Variants in ARHGAP27 observed in about 807,000 individuals in gnomAD.
The protein encoded by ARHGAP27 is rho GTPase-activating protein 27.
Under a neutral mutation model 102.0 loss-of-function variants are expected in ARHGAP27, and 53 were observed. That is an observed-to-expected ratio of 0.52 (90% CI 0.42 to 0.65). The LOEUF is 0.65. Ranked by LOEUF, ARHGAP27 falls within the 30% of genes least tolerant of loss-of-function variation. The pLI, the probability that ARHGAP27 is intolerant of heterozygous loss-of-function variation, is 0.00. For synonymous variants in ARHGAP27, 525 were observed against 542.8 expected, an observed-to-expected ratio of 0.97 and a Z score of 0.46; for missense variants, 1,117 against 1,256.2, an observed-to-expected ratio of 0.89 and a Z score of 1.68.
chr17:45,406,600 G>A (rs1290307004), intron 4 of ARHGAP27, among the ~76,000 whole-genome samples: 1 of 152,242 alleles, frequency 6.6e-6, no homozygotes, highest in Non-Finnish European at 1.5e-5. Context: ...GGTTGGGCAG[G>A]AACTGAGAAG....
rs1391925877 is a variant in ARHGAP27, at chr17:45,429,884, G to A, written c.396C>T (p.Arg132=). The change falls in exon 4 of 20, where the codon CGC becomes CGT. Residue 132 remains arginine (R), a synonymous_variant. Coordinates refer to ENST00000685559, the MANE Select transcript of ARHGAP27 (RefSeq NM_001282290.2). ...GPAQRGAATQ[R]SSLAPGLPAC... ...CTGGCAGGCCGGGCGCCAGGCTGCT[G>A]CGCTGGGTCGCGGCGCCGCGTTGCG... 2.5e-6 allele frequency: 3 copies of A among 1,210,508 alleles called. No individual in the cohort carries two copies. The highest frequency in any genetic ancestry group is 3.1e-6 in the Non-Finnish European group (3 of 974,836). The allele number at this position is 1,210,508 out of a possible 1,614,324, so 75.0% of individuals were successfully genotyped here. A position where few individuals can be genotyped will look rare whatever the true frequency, so the allele number is the denominator to read the frequency against.
chr17:45,410,334 G>T (rs1211027294), intron 4 of ARHGAP27: 2 of 1,464,658 alleles, frequency 1.4e-6, no homozygotes, highest in Non-Finnish European at 1.8e-6. Flanking sequence ...GAAGGTTTTG[G>T]GGGTAGAGCC....
Position 45,395,767 on chromosome 17 carries a change from C to T in ARHGAP27, c.2469G>A (p.Arg823=), listed in dbSNP as rs763708233. 12 of 1,601,292 alleles carry T rather than the reference C, an allele frequency of 7.5e-6. No homozygotes were observed. The highest frequency in any genetic ancestry group is 1.0e-5 in the Non-Finnish European group (12 of 1,176,806). Reference sequence around the variant, plus strand: ...ACCGGCAGAGGTGCTGGAAGAGCATCCGCAGAGTGTCGTGGTTGGGAGCGG... The same window carrying T: ...ACCGGCAGAGGTGCTGGAAGAGCATTCGCAGAGTGTCGTGGTTGGGAGCGG... ...SLPAPNHDTL[R]MLFQHLCRVI... The change falls in exon 19 of 20, where the codon CGG becomes CGA. Residue 823 remains arginine, a synonymous_variant. Transcript: ENST00000685559.
intron 4 of ARHGAP27, among the ~76,000 whole-genome samples, chr17:45,417,285 G>A (rs1394212998): frequency 1.3e-5 from 2 of 151,106 alleles, no homozygotes; most frequent in Admixed American, 6.6e-5. Context: ...CCAACATGGC[G>A]AAACCCCTCC....
chr17:45,407,494 TTTTC>T (rs1397147058), intron 4 of ARHGAP27: 1 of 149,298 alleles, frequency 6.7e-6, no homozygotes, highest in African/African-American at 2.4e-5. Flanking sequence ...TTTTCTTTTC[TTTTC>T]TTTTTCTTTT....
chr17:45,406,832 C>A (rs2047228949), intron 4 of ARHGAP27, among the ~76,000 whole-genome samples: 1 of 152,186 alleles, frequency 6.6e-6, no homozygotes, highest in African/African-American at 2.4e-5. Flanking sequence ...TTGGAATCAG[C>A]ACCCTGTCTG....
rs1176908419 is a variant in ARHGAP27 at position 45,429,618 on chromosome 17, G to C, written c.657+5C>G. ...GCCTCCGCGCCCCAGCGCCCGGGGA[G>C]GTACCTGCTCTGCGCTCTCCTCCGG... is the stretch of plus-strand genomic sequence containing the variant. On this transcript the variant is annotated splice_donor_5th_base_variant and intron_variant, in intron 4 of 19. Transcript: ENST00000685559. 1 of 1,578,656 alleles carries C rather than the reference G, an allele frequency of 6.3e-7. No individual in the cohort carries two copies. Among genetic ancestry groups the C allele is most frequent in the African/African-American group, 1.4e-5 (1 of 73,800 alleles).
At chr17:45,399,591 CAAAGAAAAGA>C (rs60195760) in intron 12 of ARHGAP27, among the ~76,000 whole-genome samples, 345 of 141,244 alleles carry the variant, frequency 2.4e-3, no homozygotes, top group South Asian at 4.9e-3. Flanking sequence ...CACTCTGTCT[CAAAGAAAAGA>C]AAAGAAAAGA....
chr17:45,429,224 G>A (rs2049862246), intron 4 of ARHGAP27: 4 of 436,634 alleles, frequency 9.2e-6, no homozygotes, highest in Non-Finnish European at 1.6e-5. Context: ...GCACACACCT[G>A]CAGTAGGTTA....
intron 4 of ARHGAP27, among the ~76,000 whole-genome samples, chr17:45,414,735 C>T (rs1336919228): frequency 6.7e-6 from 1 of 149,126 alleles, no homozygotes; most frequent in Non-Finnish European, 1.5e-5. Context: ...AGGCCTGAGC[C>T]ACTGCACCCA....
At chr17:45,411,115 G>A (rs577441020) in intron 4 of ARHGAP27, among the ~76,000 whole-genome samples, 1 of 152,232 alleles carries the variant, frequency 6.6e-6, no homozygotes, top group African/African-American at 2.4e-5. Context: ...CCAGAGAAGA[G>A]GGCCAGGCAC....
rs745821061 is a variant in ARHGAP27 at position 45,396,910 on chromosome 17, G to C, written c.1951+6C>G. 6.2e-7 allele frequency: 1 copy of C among 1,606,930 alleles called. No homozygotes were observed. Among genetic ancestry groups the C allele is most frequent in the South Asian group, 1.1e-5 (1 of 91,078 alleles). On this transcript the variant is annotated splice_donor_region_variant and intron_variant, in intron 14 of 19. Transcript: ENST00000685559. ...GAGCCCCCACCCCATCCTGCCTTGC[G>C]CACACCTGCATTCGGTCGCGCGTCC...
At chr17:45,397,887 G>A (rs2045935671) in intron 13 of ARHGAP27, 62 bp downstream of exon 13, 2 of 1,439,828 alleles carry the variant, frequency 1.4e-6, no homozygotes, top group African/African-American at 2.8e-5. Context: ...CCTGAGCAGA[G>A]GGCCCCACTC....
intron 2 of ARHGAP27, among the ~76,000 whole-genome samples, 198 bp downstream of exon 2, chr17:45,432,003 TCCCCGCCCCCCCACC>T (rs2050088793): frequency 8.8e-6 from 1 of 113,618 alleles, no homozygotes; most frequent in African/African-American, 3.4e-5. Context: ...CCCCCTCTAT[TCCCCGCCCCCCCACC>T]CCCCACCCCC....
chr17:45,396,328 T>C lies in ARHGAP27; in HGVS notation c.2174-44A>G, dbSNP rs776969420. On this transcript the variant is annotated intron_variant, in intron 16 of 19. Transcript: ENST00000685559. ...CTGATCCCGGGTTCAGGGATGGGGA[T>C]AGGGTGGGGCTACGGGTCCCTGCTA... is the stretch of plus-strand genomic sequence containing the variant. 5.7e-6 allele frequency: 9 copies of C among 1,568,456 alleles called. No homozygotes were observed. In the Admixed American group the frequency reaches 1.5e-4, roughly 26 times the overall value.
rs1170318651 is a variant in ARHGAP27, at chr17:45,410,302, A to G, written c.658-4219T>C. ...TATGTCCACCATCCTGGCCCCTCTG[A>G]ACTGCCGGGACAGAGCCCTGGGAAG... is the stretch of plus-strand genomic sequence containing the variant. On this transcript the variant is annotated intron_variant, in intron 4 of 19. Transcript: ENST00000685559. 4.6e-6 allele frequency: 7 copies of G among 1,521,788 alleles called. No homozygotes were observed. The East Asian group carries it at 1.8e-4, about 38-fold the overall frequency. 94.3% of individuals were successfully genotyped at this position (1,521,788 alleles called of 1,614,324 possible).
At chr17:45,423,011 T>A (rs2684699) in intron 4 of ARHGAP27, among the ~76,000 whole-genome samples, 70,014 of 151,340 alleles carry the variant, frequency 0.46, 16,925 homozygotes, top group South Asian at 0.59. Context: ...CAAAATCACC[T>A]CTGTACTAAA....
chr17:45,430,015 C>G lies in ARHGAP27; in HGVS notation c.265G>C (p.Glu89Gln). Residue 89 changes from glutamate (E) to glutamine (Q), a missense_variant, in exon 4 of 20, where the codon GAG becomes CAG. Physicochemically the swap from Glu to Gln is conservative, Grantham distance 29. Coordinates refer to ENST00000685559, the MANE Select transcript of ARHGAP27 (RefSeq NM_001282290.2). The surrounding 1 kb of genome is among the most constrained non-coding windows in gnomAD (Gnocchi z 4.4). ...PGPHPSPAAP[E>Q]PLAYDYRFVS... ...AACCGGTAGTCGTAGGCGAGCGGCT[C>G]AGGGGCCGCGGGGCTCGGGTGGGGA... 8.3e-7 allele frequency: 1 copy of G among 1,209,084 alleles called. No homozygotes were observed. The allele number at this position is 1,209,084 out of a possible 1,614,324, so 74.9% of individuals were successfully genotyped here. A position where few individuals can be genotyped will look rare whatever the true frequency, so the allele number is the denominator to read the frequency against.
intron 4 of ARHGAP27, among the ~76,000 whole-genome samples, chr17:45,419,340 G>C (rs1315458319): frequency 2.0e-5 from 3 of 151,716 alleles, no homozygotes; most frequent in African/African-American, 7.3e-5. Flanking sequence ...TAAATACAAA[G>C]AAGAAAACAA....
Sources: allele counts gnomAD v4.1 joint callset (sites outside exome capture counted in the v4.1 genomes callset), GRCh38; gene constraint gnomAD v4.1.1; non-coding constraint Gnocchi (gnomAD v3.1); transcripts MANE v1.5; gene names NCBI Gene and HGNC (gene_info 2026-07-23, HGNC 2026-07-21).